The following ST7 variants were observed in gnomAD, a reference collection of about 807,000 sequenced individuals.
ST7 encodes the protein suppression of tumorigenicity 7, also known as suppressor of tumorigenicity 7 protein.
A neutral mutation model predicts 78.7 loss-of-function variants in ST7; 28 were observed. That is an observed-to-expected ratio of 0.36 (90% confidence interval 0.26 to 0.49). ST7 has a LOEUF of 0.49. Among genes scored for constraint, ST7 ranks in the 20% least tolerant of loss-of-function variants. The pLI is 0.99. For synonymous variants in ST7, 247 were observed against 249.6 expected, an observed-to-expected ratio of 0.99 and a Z score of 0.10; for missense variants, 418 against 696.0, an observed-to-expected ratio of 0.60 and a Z score of 4.49.
intron 1 of ST7, among the ~76,000 whole-genome samples, chr7:116,967,106 G>A (rs1353465546): frequency 1.4e-5 from 2 of 144,838 alleles, no homozygotes; most frequent in African/African-American, 5.1e-5. Context: ...CTATTTGTGA[G>A]TTTCTATCAC....
intron 1 of ST7, among the ~76,000 whole-genome samples, chr7:116,980,912 G>T (rs1793930328): frequency 6.6e-6 from 1 of 152,118 alleles, no homozygotes; most frequent in Non-Finnish European, 1.5e-5. Flanking sequence ...TTTGCCAATG[G>T]TTACAATATG....
Position 116,996,675 on chromosome 7 carries a change from C to T in ST7, c.151+42984C>T, listed in dbSNP as rs942265879. ...TTAATATGCAGAGACCAGAAAGTTA[C>T]CTAGTCTGATTTAAATATTTTAGTG... On this transcript the variant is annotated intron_variant, in intron 1 of 15. Transcript: ENST00000323984. 2.0e-5 allele frequency among the ~76,000 whole-genome samples: 3 copies of T among 152,148 alleles called. No individual in the cohort carries two copies. In the East Asian group the frequency reaches 5.8e-4, roughly 29 times the overall value.
At chr7:117,020,090 T>C (rs1243025352) in intron 1 of ST7, 1 of 152,838 alleles carries the variant, frequency 6.5e-6, no homozygotes, top group Non-Finnish European at 1.5e-5. Flanking sequence ...TTGTGCATTT[T>C]GTGACAAAGG....
chr7:117,189,483 G>T (rs1809577984), intron 11 of ST7, 90 bp downstream of exon 11: 1 of 964,612 alleles, frequency 1.0e-6, no homozygotes. Flanking sequence ...TTTCTCTTAG[G>T]CTATGAGACC....
At chr7:117,168,174 A>T (rs1030956758) in intron 9 of ST7, among the ~76,000 whole-genome samples, 2 of 152,214 alleles carry the variant, frequency 1.3e-5, no homozygotes, top group African/African-American at 4.8e-5. Flanking sequence ...TTTTGGACAC[A>T]GTATACTCTG....
At chr7:117,211,297 C>T (rs1002694735) in intron 13 of ST7, among the ~76,000 whole-genome samples, 2 of 152,230 alleles carry the variant, frequency 1.3e-5, no homozygotes, top group African/African-American at 4.8e-5. Context: ...GCCTGCGTGG[C>T]ACCAGCAACT....
intron 1 of ST7, among the ~76,000 whole-genome samples, chr7:117,049,625 G>A (rs1014604320): frequency 6.6e-6 from 1 of 152,140 alleles, no homozygotes; most frequent in African/African-American, 2.4e-5. Flanking sequence ...AAGATATTTT[G>A]CAAAAAGTGC....
intron 1 of ST7, chr7:116,972,997 T>A: frequency 1.4e-6 from 1 of 736,492 alleles, no homozygotes; most frequent in Non-Finnish European, 2.4e-6. Flanking sequence ...CATTTGTTTA[T>A]TCACTTATCC....
intron 1 of ST7, among the ~76,000 whole-genome samples, chr7:117,064,643 C>A (rs919875447): frequency 1.3e-5 from 2 of 152,192 alleles, no homozygotes; most frequent in African/African-American, 2.4e-5. Context: ...AAAACCAATT[C>A]TCTTATTTGT....
rs1201773889 is a variant in ST7 at position 116,953,617 on chromosome 7, T to C, written c.77T>C (p.Val26Ala). The C allele has an allele frequency of 4.6e-6, 7 of 1,512,384 alleles. No individual in the cohort carries two copies. The African/African-American group carries it at 8.7e-5, about 19-fold the overall frequency. The allele number at this position is 1,512,384 out of a possible 1,614,324, so 93.7% of individuals were successfully genotyped here. A position where few individuals can be genotyped will look rare whatever the true frequency, so the allele number is the denominator to read the frequency against. The change falls in exon 1 of 16, where the codon GTG (valine) becomes GCG (alanine). Residue 26 changes from valine to alanine, a missense_variant. Transcript: ENST00000323984. ...IVWSWTYLWTVWFFIVLFLVY... is the reference protein window; with the variant it reads ...IVWSWTYLWTAWFFIVLFLVY... Reference sequence around the variant, plus strand: ...TGGTCTTGGACGTATCTGTGGACCGTGTGGTTCTTCATCGTGCTATTCCTG... The same window carrying C: ...TGGTCTTGGACGTATCTGTGGACCGCGTGGTTCTTCATCGTGCTATTCCTG...
intron 10 of ST7, among the ~76,000 whole-genome samples, chr7:117,174,480 T>A (rs978754644): frequency 2.6e-5 from 4 of 152,140 alleles, no homozygotes; most frequent in Non-Finnish European, 5.9e-5. Context: ...AGTAAAGCCA[T>A]GTAGATGTGA....
At chr7:117,217,830 T>C (rs1211668073) in intron 13 of ST7, among the ~76,000 whole-genome samples, 1 of 152,244 alleles carries the variant, frequency 6.6e-6, no homozygotes, top group Admixed American at 6.5e-5. Context: ...ATATTCTCCG[T>C]GGCAATGTGC....
chr7:117,152,110 C>T (rs1416375441), intron 9 of ST7, among the ~76,000 whole-genome samples: 1 of 136,696 alleles, frequency 7.3e-6, no homozygotes, highest in Non-Finnish European at 1.5e-5. Flanking sequence ...CAGAGTGAGA[C>T]ACCATCTCAA....
intron 1 of ST7, among the ~76,000 whole-genome samples, chr7:117,065,914 A>G (rs1378336155): frequency 6.6e-6 from 1 of 152,138 alleles, no homozygotes; most frequent in Non-Finnish European, 1.5e-5. Flanking sequence ...GTATCATCTG[A>G]CCATGGTTCC....
chr7:117,067,981 T>C (rs1289099163), intron 1 of ST7, among the ~76,000 whole-genome samples: 1 of 152,218 alleles, frequency 6.6e-6, no homozygotes, highest in African/African-American at 2.4e-5. Flanking sequence ...TGTTATTTTC[T>C]ATTTCATGCT....
intron 1 of ST7, among the ~76,000 whole-genome samples, chr7:117,082,742 A>T (rs1185890868): frequency 5.9e-5 from 9 of 152,242 alleles, no homozygotes; most frequent in Non-Finnish European, 8.8e-5. Context: ...AAATATTTTC[A>T]GCTTTGCAGG....
chr7:117,130,530 T>G lies in ST7; in HGVS notation c.489T>G (p.Tyr163Ter), dbSNP rs550492993. The change falls in exon 5 of 16, where the codon TAT (tyrosine) becomes TAG (stop). Residue 163 changes from tyrosine (Y) to a stop codon, truncating the protein, a stop_gained. Transcript: ENST00000323984. LOFTEE classifies it high-confidence loss of function. ...WVTGREPLTY[Y>*]DMNLSAQDHQ... ...CAGGACGAGAGCCTCTTACTTACTA[T>G]GACATGAATCTCTCTGCCCAAGACC... 1 of 1,611,684 alleles carries G rather than the reference T, an allele frequency of 6.2e-7. No homozygotes were observed.
intron 9 of ST7, chr7:117,146,062 G>A (rs1458499414): frequency 6.7e-6 from 1 of 148,368 alleles, no homozygotes; most frequent in African/African-American, 2.4e-5. Context: ...AACCTACAGA[G>A]TGAGTATTAC....
At chr7:117,008,170 A>G (rs1168417322) in intron 1 of ST7, among the ~76,000 whole-genome samples, 1 of 152,220 alleles carries the variant, frequency 6.6e-6, no homozygotes, top group African/African-American at 2.4e-5. Flanking sequence ...TGAGGTAGGT[A>G]TCATGATCAG....
Sources: allele counts gnomAD v4.1 joint callset (sites outside exome capture counted in the v4.1 genomes callset), GRCh38; gene constraint gnomAD v4.1.1; transcripts MANE v1.5; gene names NCBI Gene and HGNC (gene_info 2026-07-23, HGNC 2026-07-21).